MAF: variants seen among roughly 807,000 people sequenced by gnomAD.
MAF encodes the protein MAF bZIP transcription factor, also known as transcription factor Maf.
A neutral mutation model predicts 22.0 loss-of-function variants in MAF; 10 were observed. The ratio of observed to expected loss-of-function variants is 0.45; its 90% CI spans 0.28 to 0.77. The LOEUF (loss-of-function observed/expected upper bound fraction) is 0.77. MAF is among the 30% of genes least tolerant of loss of function. The probability of loss-of-function intolerance (pLI) is 0.12; values close to 1 mark genes in which losing one functional copy is unlikely to be tolerated. For missense variants in MAF, 544 were observed against 548.4 expected, an observed-to-expected ratio of 0.99 and a Z score of 0.08; for synonymous variants, 337 against 255.8, an observed-to-expected ratio of 1.32 and a Z score of -3.03.
At chr16:79,291,571 T>C in the MAF span, among the ~76,000 whole-genome samples, 1 of 151,596 alleles carries the variant, frequency 6.6e-6, no homozygotes, top group African/African-American at 2.4e-5. Flanking sequence ...TTTCCTCCTC[T>C]GAACCTATCT....
In MAF at chr16:79,596,539, A is replaced by T. The variant is rs1913536509; in HGVS notation, c.1119-1986T>A. ...CTTTTCTTGATATAACCAGAATTGA[A>T]AATGAAAGAAAAGCACATAGGAACA... On this transcript the variant is annotated intron_variant, in intron 1 of 1. Coordinates refer to ENST00000326043, the MANE Select transcript of MAF (RefSeq NM_005360.5). 1.9e-6 allele frequency: 2 copies of T among 1,049,366 alleles called. 1 individual carries two copies. The highest frequency in any genetic ancestry group is 1.1e-4 in the Admixed American group (2 of 18,218). 65.0% of individuals were successfully genotyped at this position (1,049,366 alleles called of 1,614,324 possible).
At chr16:79,307,843 G>A in the MAF span, among the ~76,000 whole-genome samples, 11 of 152,166 alleles carry the variant, frequency 7.2e-5, no homozygotes, top group African/African-American at 2.7e-4. Context: ...AGCCAACAAC[G>A]AAGAGACTGA....
the MAF span, among the ~76,000 whole-genome samples, chr16:79,529,859 G>T: frequency 6.6e-6 from 1 of 151,918 alleles, no homozygotes; most frequent in African/African-American, 2.4e-5. Flanking sequence ...TACTCAGAAG[G>T]CTGAGGCAGG....
the MAF span, chr16:79,211,748 G>T: frequency 1.2e-6 from 2 of 1,614,202 alleles, no homozygotes; most frequent in Non-Finnish European, 1.7e-6. Flanking sequence ...CCCTGTGGGC[G>T]CTCAGCGAGA....
chr16:79,211,496 C>G, the MAF span: 7 of 1,391,320 alleles, frequency 5.0e-6, no homozygotes, highest in Non-Finnish European at 7.0e-6. Flanking sequence ...CAAGATCCAG[C>G]TGAAACTGAA....
the MAF span, among the ~76,000 whole-genome samples, chr16:79,270,775 G>C: frequency 2.0e-5 from 3 of 152,190 alleles, no homozygotes; most frequent in Non-Finnish European, 4.4e-5. Context: ...AATTCACTGA[G>C]TGCGTCTAAG....
At chr16:79,298,208 G>A in the MAF span, among the ~76,000 whole-genome samples, 3 of 152,230 alleles carry the variant, frequency 2.0e-5, no homozygotes, top group African/African-American at 4.8e-5. Context: ...ATGGGGACTT[G>A]CGTCCCCAGG....
At chr16:79,437,583 G>T in the MAF span, among the ~76,000 whole-genome samples, 3 of 152,056 alleles carry the variant, frequency 2.0e-5, no homozygotes, top group East Asian at 5.8e-4. Flanking sequence ...GTCCCCCAAG[G>T]AGGCCTGTGT....
the MAF span, among the ~76,000 whole-genome samples, chr16:79,339,804 AAACT>A: frequency 6.6e-6 from 1 of 152,228 alleles, no homozygotes; most frequent in Non-Finnish European, 1.5e-5. Context: ...TCTTTAAAAG[AAACT>A]TTTAATCAGC....
chr16:79,297,823 A>G, the MAF span, among the ~76,000 whole-genome samples: 3 of 152,156 alleles, frequency 2.0e-5, no homozygotes, highest in African/African-American at 4.8e-5. Flanking sequence ...CCCAACCTCC[A>G]ATTTCTTTCC....
chr16:79,585,537 G>A (rs1194328403), downstream of MAF, among the ~76,000 whole-genome samples: 1 of 151,970 alleles, frequency 6.6e-6, no homozygotes, highest in Non-Finnish European at 1.5e-5. Context: ...CTCTTTGAAT[G>A]TCAGTAGACT....
At chr16:79,545,705 C>T in the MAF span, among the ~76,000 whole-genome samples, 1 of 151,880 alleles carries the variant, frequency 6.6e-6, no homozygotes, top group African/African-American at 2.4e-5. Flanking sequence ...TATGGATGCC[C>T]ATAGAAGCAG....
chr16:79,487,924 G>T, the MAF span, among the ~76,000 whole-genome samples: 1 of 152,324 alleles, frequency 6.6e-6, no homozygotes, highest in Middle Eastern at 3.4e-3. Flanking sequence ...CCACGCAGGG[G>T]ATAAGGCCCT....
the MAF span, among the ~76,000 whole-genome samples, chr16:79,553,507 T>C: frequency 2.0e-5 from 3 of 152,196 alleles, no homozygotes; most frequent in African/African-American, 7.2e-5. Flanking sequence ...AGCACCTTTG[T>C]CAAAGAGATG....
chr16:79,263,649 GT>G, the MAF span, among the ~76,000 whole-genome samples: 1 of 152,210 alleles, frequency 6.6e-6, no homozygotes, highest in Non-Finnish European at 1.5e-5. Flanking sequence ...AAACCATAGG[GT>G]TTTTAAACCT....
At chr16:79,219,839 G>A in the MAF span, among the ~76,000 whole-genome samples, 6 of 152,064 alleles carry the variant, frequency 3.9e-5, no homozygotes, top group Admixed American at 2.6e-4. Flanking sequence ...AATTCCATTG[G>A]TAATTTACCT....
the MAF span, among the ~76,000 whole-genome samples, chr16:79,251,906 T>C: frequency 6.6e-6 from 1 of 152,252 alleles, no homozygotes; most frequent in Non-Finnish European, 1.5e-5. Context: ...TATGTGTGTG[T>C]GTGTTTGGTT....
At chr16:79,229,629 G>C in the MAF span, among the ~76,000 whole-genome samples, 1 of 152,072 alleles carries the variant, frequency 6.6e-6, no homozygotes, top group Admixed American at 6.6e-5. Context: ...GTGAGGACAA[G>C]GCGAACAGAC....
chr16:79,214,499 A>G, the MAF span, among the ~76,000 whole-genome samples: 5 of 151,972 alleles, frequency 3.3e-5, no homozygotes, highest in African/African-American at 1.2e-4. Context: ...TCCACCTCCC[A>G]GGTTCACGCG....
Sources: allele counts gnomAD v4.1 joint callset (sites outside exome capture counted in the v4.1 genomes callset), GRCh38; gene constraint gnomAD v4.1.1; transcripts MANE v1.5; gene names NCBI Gene and HGNC (gene_info 2026-07-23, HGNC 2026-07-21).